TPST1: variants seen among roughly 807,000 people sequenced by gnomAD.
TPST1 encodes the protein tyrosylprotein sulfotransferase 1, also known as protein-tyrosine sulfotransferase 1.
Under a neutral mutation model 34.8 loss-of-function variants are expected in TPST1, and 20 were observed. That is an observed-to-expected ratio of 0.57 (90% CI 0.40 to 0.84). The LOEUF (loss-of-function observed/expected upper bound fraction) is 0.84. Ranked by LOEUF, TPST1 falls within the 40% of genes least tolerant of loss-of-function variation. The probability of loss-of-function intolerance (pLI) is 0.00; values close to 1 mark genes in which losing one functional copy is unlikely to be tolerated. For missense variants in TPST1, 353 were observed against 455.5 expected (o/e 0.78, Z 2.05); for synonymous variants, 152 against 159.4 (o/e 0.95, Z 0.35).
intron 2 of TPST1, among the ~76,000 whole-genome samples, chr7:66,273,278 A>G (rs1035017673): frequency 2.0e-5 from 3 of 152,222 alleles, no homozygotes; most frequent in Non-Finnish European, 1.5e-5. Flanking sequence ...GATGAAAGAA[A>G]CTGAACACAC....
rs887205670 is a variant in TPST1, at chr7:66,273,619, A to T, written c.846-12892A>T. 3.3e-5 allele frequency among the ~76,000 whole-genome samples: 5 copies of T among 152,220 alleles called. No homozygotes were observed. In the East Asian group the frequency reaches 9.6e-4, roughly 29 times the overall value. On this transcript the variant is annotated intron_variant, in intron 2 of 5. Transcript: ENST00000304842. Reference sequence around the variant, plus strand: ...CTGAATAGAGCGCCCCCAGAAATAAACCCACATATTTATGGTCAGTTGATC... The same window carrying T: ...CTGAATAGAGCGCCCCCAGAAATAATCCCACATATTTATGGTCAGTTGATC...
chr7:66,201,134 A>G (rs1789030278), upstream of TPST1, among the ~76,000 whole-genome samples: 1 of 152,186 alleles, frequency 6.6e-6, no homozygotes, highest in African/African-American at 2.4e-5. Flanking sequence ...TATGAGGCTC[A>G]TTAAATTACA....
chr7:66,274,743 CAA>C (rs143585725), intron 2 of TPST1, among the ~76,000 whole-genome samples: 3,383 of 151,910 alleles, frequency 0.022, 65 homozygotes, highest in Non-Finnish European at 0.029. Flanking sequence ...GGCAAGAAAA[CAA>C]ATCTAAAAAA....
intron 1 of TPST1, among the ~76,000 whole-genome samples, chr7:66,231,498 C>T (rs1789791804): frequency 6.6e-6 from 1 of 152,242 alleles, no homozygotes; most frequent in African/African-American, 2.4e-5. Context: ...GTCCTGAGCC[C>T]TGCCCCGTGG....
chr7:66,205,194 G>C (rs1345230929), upstream of TPST1: 1 of 152,260 alleles, frequency 6.6e-6, no homozygotes, highest in African/African-American at 2.4e-5. This position sits in a 1 kb window ranked among gnomAD's most constrained non-coding sequence, Gnocchi z 5.0. Context: ...ATTCCCAGCC[G>C]CGCCTCCTTC....
At chr7:66,215,097 C>T (rs1489843700) in intron 1 of TPST1, among the ~76,000 whole-genome samples, 1 of 147,790 alleles carries the variant, frequency 6.8e-6, no homozygotes, top group African/African-American at 2.5e-5. Flanking sequence ...TCTCTGTCAC[C>T]AGGTTGGAGT....
intron 3 of TPST1, among the ~76,000 whole-genome samples, chr7:66,318,044 A>T (rs940130261): frequency 1.3e-5 from 2 of 152,166 alleles, no homozygotes; most frequent in African/African-American, 4.8e-5. Flanking sequence ...CTATAATCAC[A>T]GCTACTGAGA....
intron 3 of TPST1, among the ~76,000 whole-genome samples, chr7:66,327,967 TTGTGTTTTTGG>T (rs1170003401): frequency 6.6e-6 from 1 of 150,992 alleles, no homozygotes; most frequent in African/African-American, 2.4e-5. Context: ...TGTCTCTTTG[TTGTGTTTTTGG>T]TGTTTTTTTT....
chr7:66,269,775 A>G (rs957542166), intron 2 of TPST1, among the ~76,000 whole-genome samples: 1 of 152,192 alleles, frequency 6.6e-6, no homozygotes, highest in African/African-American at 2.4e-5. Flanking sequence ...AAAGCAGGGA[A>G]TAGGAGGTTG....
chr7:66,307,161 C>T (rs889567637), intron 3 of TPST1, among the ~76,000 whole-genome samples: 4 of 151,380 alleles, frequency 2.6e-5, no homozygotes, highest in South Asian at 2.1e-4. Flanking sequence ...GATGGAGTCT[C>T]GCTCTGTCTG....
intron 1 of TPST1, among the ~76,000 whole-genome samples, chr7:66,229,346 G>C (rs1479512387): frequency 6.6e-6 from 1 of 152,120 alleles, no homozygotes; most frequent in East Asian, 1.9e-4. Context: ...TCCTGACCTC[G>C]TGATCTGCCT....
chr7:66,347,827 GTCT>G (rs1053331805), intron 3 of TPST1, among the ~76,000 whole-genome samples: 3 of 152,046 alleles, frequency 2.0e-5, no homozygotes, highest in Admixed American at 6.5e-5. Flanking sequence ...TGTTGGTTTT[GTCT>G]TCTTCAACTT....
At chr7:66,305,196 A>G (rs1191766012) in intron 3 of TPST1, among the ~76,000 whole-genome samples, 1 of 152,170 alleles carries the variant, frequency 6.6e-6, no homozygotes, top group African/African-American at 2.4e-5. Context: ...TATATTCAGT[A>G]TATATTCATA....
rs150757630 is a variant in TPST1, at chr7:66,241,148, A to G, written c.723A>G (p.Gln241=). The G allele has an allele frequency of 1.4e-4, 219 of 1,614,234 alleles. No homozygotes were observed. The highest frequency in any genetic ancestry group is 1.7e-4 in the Non-Finnish European group (203 of 1,180,038). Residue 241 remains glutamine (Q), a synonymous_variant, in exon 2 of 6, where the codon CAA becomes CAG. Transcript: ENST00000304842. ...YKKCMLVHYE[Q]LVLHPERWMR... is the part of the protein sequence containing the mutation. ...AGTGCATGTTGGTTCACTATGAACA[A>G]CTTGTCTTACATCCTGAACGGTGGA...
chr7:66,199,717 C>CG, the TPST1 span, among the ~76,000 whole-genome samples: 2 of 143,414 alleles, frequency 1.4e-5, no homozygotes, highest in African/African-American at 5.1e-5. Flanking sequence ...ATTTGTGTCC[C>CG]TTTTTTTTTT....
rs1277976756 is a variant in TPST1, at chr7:66,240,607, A to G, written c.182A>G (p.Lys61Arg). 9 of 1,614,080 alleles carry G rather than the reference A, an allele frequency of 5.6e-6. No individual in the cohort carries two copies. Among genetic ancestry groups the G allele is most frequent in the Non-Finnish European group, 7.6e-6 (9 of 1,180,040 alleles). ...VRTGLDLKAN[K>R]TFAYHKDMPL... Reference sequence around the variant, plus strand: ...ACTGGCCTGGACCTCAAAGCCAACAAAACCTTTGCCTATCACAAAGATATG... The same window carrying G: ...ACTGGCCTGGACCTCAAAGCCAACAGAACCTTTGCCTATCACAAAGATATG... The change falls in exon 2 of 6, where the codon AAA becomes AGA. Residue 61 changes from lysine to arginine, a missense_variant. Lys to Arg is a conservative substitution (Grantham distance 26, BLOSUM62 2). Transcript: ENST00000304842.
At chr7:66,263,171 A>G (rs1377940926) in intron 2 of TPST1, among the ~76,000 whole-genome samples, 1 of 152,304 alleles carries the variant, frequency 6.6e-6, no homozygotes, top group East Asian at 1.9e-4. Flanking sequence ...GGTTAAAGGG[A>G]AAAAGAATAT....
chr7:66,295,359 G>A (rs1364390608), intron 3 of TPST1, among the ~76,000 whole-genome samples: 5 of 152,138 alleles, frequency 3.3e-5, no homozygotes, highest in Non-Finnish European at 5.9e-5. Context: ...GCCAGGTGTG[G>A]TGGCACATGC....
At chr7:66,275,222 G>C (rs1385803697) in intron 2 of TPST1, among the ~76,000 whole-genome samples, 4 of 152,024 alleles carry the variant, frequency 2.6e-5, no homozygotes, top group African/African-American at 9.7e-5. Flanking sequence ...AATAAAAAAA[G>C]ATAACAAGTG....
Sources: gnomAD v4.1 joint callset for allele counts (sites outside exome capture counted in the v4.1 genomes callset) on GRCh38, gnomAD v4.1.1 for gene constraint, Gnocchi (gnomAD v3.1) non-coding constraint, MANE v1.5 for transcripts, NCBI Gene and HGNC (gene_info 2026-07-23, HGNC 2026-07-21) for gene names.